XYLT1: variants seen among roughly 807,000 people sequenced by gnomAD.
The protein encoded by XYLT1 is xylosyltransferase 1.
A neutral mutation model predicts 91.3 loss-of-function variants in XYLT1; 36 were observed. The ratio of observed to expected loss-of-function variants is 0.39; its 90% confidence interval spans 0.30 to 0.52. The LOEUF (loss-of-function observed/expected upper bound fraction) is 0.52, where lower values mean the gene tolerates loss of function less well. Among genes scored for constraint, XYLT1 ranks in the 20% least tolerant of loss-of-function variants. The pLI is 0.68. For missense variants in XYLT1, 1,242 were observed against 1,284.5 expected (o/e 0.97, Z 0.51); for synonymous variants, 588 against 532.0 (o/e 1.11, Z -1.45).
chr16:17,443,830 T>C (rs1463802479), intron 1 of XYLT1, among the ~76,000 whole-genome samples: 3 of 152,204 alleles, frequency 2.0e-5, no homozygotes, highest in Admixed American at 6.5e-5. Context: ...ATATCTAGAC[T>C]AGAGGGTTTT....
At chr16:17,242,275 C>T (rs1387761607) in intron 3 of XYLT1, among the ~76,000 whole-genome samples, 2 of 151,758 alleles carry the variant, frequency 1.3e-5, no homozygotes, top group Admixed American at 1.3e-4. Context: ...CACAGACATG[C>T]CTATTCATTT....
chr16:17,110,425 A>T (rs1342172620), intron 11 of XYLT1, among the ~76,000 whole-genome samples: 1 of 152,178 alleles, frequency 6.6e-6, no homozygotes, highest in Admixed American at 6.5e-5. Context: ...AGTAAGTCTC[A>T]TGAGATCTGA....
At chr16:17,392,519 G>A (rs1039051218) in intron 1 of XYLT1, among the ~76,000 whole-genome samples, 9 of 152,084 alleles carry the variant, frequency 5.9e-5, no homozygotes, top group Middle Eastern at 6.8e-3. Context: ...CATCCTCATC[G>A]TGCACACTAG....
At chr16:17,345,211 G>T (rs556116416) in intron 2 of XYLT1, among the ~76,000 whole-genome samples, 1 of 152,200 alleles carries the variant, frequency 6.6e-6, no homozygotes, top group African/African-American at 2.4e-5. Context: ...TGACGACACA[G>T]TTCATCTCTG....
rs369490517 is a variant in XYLT1, at chr16:17,117,689, G to A, written c.2514C>T (p.Leu838=). The change falls in exon 11 of 12, where the codon CTC becomes CTT. Residue 838 remains leucine, a synonymous_variant. Coordinates refer to ENST00000261381, the MANE Select transcript of XYLT1 (RefSeq NM_022166.4). The part of the protein sequence containing the change: ...HWVPVAETKF[L]VAPLTFSNRQ... The stretch of plus-strand genomic sequence containing the variant: ...TGTTCGAGAAGGTCAGAGGCGCAAC[G>A]AGGAATTTGGTCTCTGCAACTGGCA... The A allele has an allele frequency of 6.8e-6, 11 of 1,613,956 alleles. 1 individual carries two copies. Among genetic ancestry groups the A allele is most frequent in the South Asian group, 3.3e-5 (3 of 91,084 alleles).
At chr16:17,156,811 G>A (rs562830506) in intron 6 of XYLT1, among the ~76,000 whole-genome samples, 2 of 152,316 alleles carry the variant, frequency 1.3e-5, no homozygotes, top group South Asian at 4.1e-4. Flanking sequence ...AAGTTCGGGT[G>A]TTGCAGAAAG....
chr16:17,345,969 C>T (rs559298727), intron 2 of XYLT1, among the ~76,000 whole-genome samples: 1 of 152,114 alleles, frequency 6.6e-6, no homozygotes, highest in Admixed American at 6.5e-5. Flanking sequence ...TGCCACCACA[C>T]GTGGCTAATT....
chr16:17,283,437 T>G (rs984758069), intron 2 of XYLT1, among the ~76,000 whole-genome samples: 1 of 152,032 alleles, frequency 6.6e-6, no homozygotes, highest in Non-Finnish European at 1.5e-5. Flanking sequence ...CACAGCAAAG[T>G]CCAGGTCTTT....
intron 2 of XYLT1, among the ~76,000 whole-genome samples, chr16:17,311,765 C>T (rs1245388344): frequency 6.7e-6 from 1 of 149,276 alleles, no homozygotes; most frequent in Non-Finnish European, 1.5e-5. Flanking sequence ...TTAATGAACT[C>T]ACAGTTCCAA....
chr16:17,218,271 C>T (rs2032898266), intron 3 of XYLT1, among the ~76,000 whole-genome samples: 1 of 151,574 alleles, frequency 6.6e-6, no homozygotes. Context: ...AAAGGCAAAA[C>T]ACCAAAAAAA....
chr16:17,179,871 A>G (rs926566350), intron 5 of XYLT1, among the ~76,000 whole-genome samples: 1 of 152,248 alleles, frequency 6.6e-6, no homozygotes, highest in African/African-American at 2.4e-5. Flanking sequence ...GGACATTTTC[A>G]AAGACTCGCC....
At chr16:17,194,583 C>A (rs544435811) in intron 5 of XYLT1, among the ~76,000 whole-genome samples, 85 of 152,330 alleles carry the variant, frequency 5.6e-4, no homozygotes, top group Non-Finnish European at 9.7e-4. Flanking sequence ...ATCCCTGCTG[C>A]AGGCAGTCCA....
chr16:17,426,454 G>A (rs1390892421), intron 1 of XYLT1, among the ~76,000 whole-genome samples: 1 of 152,128 alleles, frequency 6.6e-6, no homozygotes, highest in African/African-American at 2.4e-5. Context: ...GCTGAGGCAT[G>A]AGAACTGCTT....
chr16:17,420,260 A>C (rs2036235457), intron 1 of XYLT1, among the ~76,000 whole-genome samples: 1 of 152,198 alleles, frequency 6.6e-6, no homozygotes, highest in Non-Finnish European at 1.5e-5. Flanking sequence ...ATTTTCAAGA[A>C]ATGATAGACC....
intron 3 of XYLT1, among the ~76,000 whole-genome samples, chr16:17,237,504 C>A (rs1351759422): frequency 3.3e-5 from 5 of 152,100 alleles, no homozygotes; most frequent in African/African-American, 7.2e-5. Context: ...TTTTTCAGAA[C>A]CTTTCTCATG....
chr16:17,199,939 G>T (rs12922579), intron 4 of XYLT1, among the ~76,000 whole-genome samples: 90,756 of 151,926 alleles, frequency 0.6, 29,436 homozygotes, highest in African/African-American at 0.85. Flanking sequence ...ACAGCATTTA[G>T]GGGCCGGGCA....
intron 3 of XYLT1, among the ~76,000 whole-genome samples, chr16:17,212,436 A>G (rs924554251): frequency 3.3e-5 from 5 of 152,176 alleles, no homozygotes; most frequent in Non-Finnish European, 7.3e-5. Flanking sequence ...GTTGAGAACC[A>G]CATTTTGGAC....
At chr16:17,129,072 GAAAAAA>G (rs34234422) in intron 9 of XYLT1, among the ~76,000 whole-genome samples, 5 of 95,220 alleles carry the variant, frequency 5.3e-5, no homozygotes, top group Non-Finnish European at 9.6e-5. Flanking sequence ...AGGGAGCATA[GAAAAAA>G]AAAAAAAAAA....
intron 2 of XYLT1, among the ~76,000 whole-genome samples, chr16:17,299,424 C>A (rs574552712): frequency 6.6e-6 from 1 of 152,194 alleles, no homozygotes; most frequent in Non-Finnish European, 1.5e-5. Flanking sequence ...CCCGTTAACC[C>A]GCTCTTCCTC....
Sources: allele counts gnomAD v4.1 joint callset (sites outside exome capture counted in the v4.1 genomes callset), GRCh38; gene constraint gnomAD v4.1.1; transcripts MANE v1.5; gene names NCBI Gene and HGNC (gene_info 2026-07-23, HGNC 2026-07-21).